The following CEP170 variants were observed in gnomAD, a reference collection of about 807,000 sequenced individuals.
CEP170 encodes the protein centrosomal protein 170, also known as centrosomal protein of 170 kDa.
A neutral mutation model predicts 151.9 loss-of-function variants in CEP170; 21 were observed. The observed-to-expected ratio is 0.14, with a 90% CI of 0.10 to 0.20. CEP170 has a LOEUF of 0.20. Among genes scored for constraint, CEP170 ranks in the 10% least tolerant of loss-of-function variants. The pLI, the probability that CEP170 is intolerant of heterozygous loss-of-function variation, is 1.00. For synonymous variants in CEP170, 356 were observed against 648.8 expected (o/e 0.55, Z 6.86); for missense variants, 964 against 1,892.9 (o/e 0.51, Z 9.11).
In CEP170 at chr1:243,164,691, G is replaced by A; in HGVS notation, c.3269C>T (p.Thr1090Ile). Residue 1090 changes from threonine (T) to isoleucine (I), a missense_variant, in exon 13 of 20, where the codon ACC becomes ATC. Physicochemically the swap from Thr to Ile is moderately conservative, Grantham distance 89 (BLOSUM62 -1). Transcript: ENST00000366542. ...GGTAGGTCGTGGCCTTGGAAGGGTG[G>A]TTGATTTACTAGATGAACCAGATAC... ...PVVSGSSSKS[T>I]TLPRPRPTRT... 1 of 1,613,774 alleles carries A rather than the reference G, an allele frequency of 6.2e-7. No homozygotes were observed. The highest frequency in any genetic ancestry group is 8.5e-7 in the Non-Finnish European group (1 of 1,179,702).
At chr1:243,160,773 A>G (rs982517760) in intron 13 of CEP170, among the ~76,000 whole-genome samples, 7 of 152,188 alleles carry the variant, frequency 4.6e-5, no homozygotes, top group African/African-American at 1.7e-4. Flanking sequence ...TGACCTGGAG[A>G]AAGAGTTAAC....
Position 243,156,273 on chromosome 1 carries a change from C to G in CEP170, c.3859G>C (p.Glu1287Gln). The change falls in exon 14 of 20, where the codon GAG (glutamate) becomes CAG (glutamine). Residue 1287 changes from glutamate to glutamine, a missense_variant. By Grantham distance (29) the Glu-to-Gln change is conservative. Transcript: ENST00000366542. ...TSSSFKHRIK[E>Q]QEDYIRDWTA... ...CAATCTCGGATGTAGTCTTCCTGCT[C>G]TTTAATCCGGTGTTTGAATGAAGAA... 1 of 1,587,392 alleles carries G rather than the reference C, an allele frequency of 6.3e-7. No individual in the cohort carries two copies. Among genetic ancestry groups the G allele is most frequent in the South Asian group, 1.1e-5 (1 of 87,392 alleles).
rs141993553 is a variant in CEP170, at chr1:243,212,016, A to G, written c.196-52T>C. 1,906 of 1,354,736 alleles carry G rather than the reference A, an allele frequency of 1.4e-3. 26 individuals carry two copies. The African/African-American group carries it at 0.023, about 17-fold the overall frequency. 83.9% of individuals were successfully genotyped at this position (1,354,736 alleles called of 1,614,324 possible). ...GGTTACGTATGAGGTATTAATTCTT[A>G]CATTTCAGATAAGCAAATTCTCAAA... is the stretch of plus-strand genomic sequence containing the variant. On this transcript the variant is annotated intron_variant, in intron 3 of 19. Coordinates refer to ENST00000366542, the MANE Select transcript of CEP170 (RefSeq NM_014812.3).
intron 10 of CEP170, among the ~76,000 whole-genome samples, chr1:243,178,368 G>A (rs1256528851): frequency 3.6e-5 from 5 of 139,594 alleles, no homozygotes; most frequent in East Asian, 2.4e-4. Flanking sequence ...TACAACACAT[G>A]TGAACCTTGA....
intron 1 of CEP170, among the ~76,000 whole-genome samples, chr1:243,238,785 G>A (rs903301054): frequency 2.6e-5 from 4 of 152,064 alleles, no homozygotes; most frequent in Non-Finnish European, 4.4e-5. Context: ...GTAATTTTTG[G>A]AATTTGAACT....
At chr1:243,231,181 CATCATCATCATTATTATTATTATT>C (rs1374700237) in intron 1 of CEP170, among the ~76,000 whole-genome samples, 1 of 129,014 alleles carries the variant, frequency 7.8e-6, no homozygotes, top group Non-Finnish European at 1.8e-5. Flanking sequence ...TCATCATCAT[CATCATCATCATTATTATTATTATT>C]ATCATCATTA....
At chr1:243,129,567 C>T (rs2054129188) in intron 17 of CEP170, 114 bp from the exon 18 acceptor site, 2 of 872,036 alleles carry the variant, frequency 2.3e-6, no homozygotes, top group Non-Finnish European at 1.6e-6. Flanking sequence ...GAAAAAAAAC[C>T]AACCACCGCA....
chr1:243,176,214 G>A (rs1024996479), intron 10 of CEP170, among the ~76,000 whole-genome samples: 24 of 151,868 alleles, frequency 1.6e-4, no homozygotes, highest in Admixed American at 3.3e-4. Context: ...CATTCAGCTA[G>A]GAACTTCTGT....
At chr1:243,254,289 T>A (rs1267087943) in intron 1 of CEP170, 5 of 152,128 alleles carry the variant, frequency 3.3e-5, no homozygotes, top group Admixed American at 6.5e-5. Context: ...CTTCCCGCCC[T>A]GTGTTAGGCA....
At chr1:243,244,915 T>C (rs1558148440) in intron 1 of CEP170, among the ~76,000 whole-genome samples, 1 of 152,102 alleles carries the variant, frequency 6.6e-6, no homozygotes, top group Non-Finnish European at 1.5e-5. Context: ...AAATTTCATG[T>C]AGTGAGATTA....
At chr1:243,180,896 G>A (rs547448011) in intron 10 of CEP170, among the ~76,000 whole-genome samples, 70 of 152,318 alleles carry the variant, frequency 4.6e-4, no homozygotes, top group African/African-American at 1.7e-3. Flanking sequence ...AAAGACGCTA[G>A]TAAGAGGCTT....
chr1:243,178,575 C>A (rs557500306), intron 10 of CEP170, among the ~76,000 whole-genome samples: 151 of 152,184 alleles, frequency 9.9e-4, no homozygotes, highest in South Asian at 3.5e-3. Flanking sequence ...TGAAAATGCC[C>A]TGAAATTAAG....
intron 10 of CEP170, among the ~76,000 whole-genome samples, chr1:243,176,092 G>A (rs939784544): frequency 3.9e-5 from 6 of 152,094 alleles, no homozygotes; most frequent in Non-Finnish European, 8.8e-5. Flanking sequence ...CACAACGCCC[G>A]GCCTCAAAGG....
intron 1 of CEP170, among the ~76,000 whole-genome samples, chr1:243,242,814 C>A (rs2064988575): frequency 1.3e-5 from 2 of 152,154 alleles, no homozygotes; most frequent in Admixed American, 1.3e-4. Flanking sequence ...AATTCTCCTA[C>A]CTCAGCCTCC....
intron 17 of CEP170, among the ~76,000 whole-genome samples, chr1:243,131,531 A>G (rs531541241): frequency 6.6e-6 from 1 of 152,238 alleles, no homozygotes; most frequent in African/African-American, 2.4e-5. Context: ...AACAATTTGT[A>G]ATATATAATA....
At chr1:243,128,564 A>C in intron 18 of CEP170, 1 of 377,822 alleles carries the variant, frequency 2.6e-6, no homozygotes, top group Non-Finnish European at 4.6e-6. Flanking sequence ...ACTACTATTT[A>C]AGCAAAGATT....
chr1:243,156,281 C>T lies in CEP170; in HGVS notation c.3851G>A (p.Arg1284Gln), dbSNP rs1009058302. The T allele has an allele frequency of 2.9e-5, 46 of 1,589,104 alleles. No individual in the cohort carries two copies. The highest frequency in any genetic ancestry group is 5.4e-5 in the Admixed American group (3 of 55,670). The change falls in exon 14 of 20, where the codon CGG (arginine) becomes CAG (glutamine). Residue 1284 changes from arginine to glutamine, a missense_variant. By Grantham distance (43) the Arg-to-Gln change is conservative. Coordinates refer to ENST00000366542, the MANE Select transcript of CEP170 (RefSeq NM_014812.3). ...GATGTAGTCTTCCTGCTCTTTAATC[C>T]GGTGTTTGAATGAAGAACTAGTAGG... Reference protein sequence around the residue: ...AMPTSSSFKHRIKEQEDYIRD... With the variant: ...AMPTSSSFKHQIKEQEDYIRD...
At chr1:243,231,044 C>T (rs2063696809) in intron 1 of CEP170, among the ~76,000 whole-genome samples, 1 of 151,516 alleles carries the variant, frequency 6.6e-6, no homozygotes, top group African/African-American at 2.4e-5. Context: ...CAGCAGATTT[C>T]TTCTCAGAAA....
intron 4 of CEP170, among the ~76,000 whole-genome samples, chr1:243,201,588 A>C (rs1338728542): frequency 6.6e-6 from 1 of 152,176 alleles, no homozygotes; most frequent in Non-Finnish European, 1.5e-5. Flanking sequence ...TCTATTCCTT[A>C]CCAGTTCAGA....
Sources: allele counts gnomAD v4.1 joint callset (sites outside exome capture counted in the v4.1 genomes callset), GRCh38; gene constraint gnomAD v4.1.1; transcripts MANE v1.5; gene names NCBI Gene and HGNC (gene_info 2026-07-23, HGNC 2026-07-21).